The following TCERG1 variants were observed in gnomAD, a reference collection of about 807,000 sequenced individuals.
The protein encoded by TCERG1 is transcription elongation regulator 1.
Under a neutral mutation model 144.7 loss-of-function variants are expected in TCERG1, and 37 were observed. The observed-to-expected ratio is 0.26, with a 90% confidence interval of 0.20 to 0.34. The LOEUF (loss-of-function observed/expected upper bound fraction) is 0.34. Among genes scored for constraint, TCERG1 ranks in the 10% least tolerant of loss-of-function variants. The probability of loss-of-function intolerance (pLI) is 1.00; values close to 1 mark genes in which losing one functional copy is unlikely to be tolerated. For synonymous variants in TCERG1, 492 were observed against 458.2 expected, an observed-to-expected ratio of 1.07 and a Z score of -0.94; for missense variants, 1,027 against 1,380.7, an observed-to-expected ratio of 0.74 and a Z score of 4.06.
At chr5:146,451,201 A>G (rs28438403) in intron 1 of TCERG1, among the ~76,000 whole-genome samples, 37,374 of 151,916 alleles carry the variant, frequency 0.25, 5,696 homozygotes, top group East Asian at 0.83. Flanking sequence ...TTCCTTGGTG[A>G]TTATCTTTTT....
intron 16 of TCERG1, 94 bp from the exon 17 acceptor site, chr5:146,498,442 C>A: frequency 7.4e-7 from 1 of 1,357,860 alleles, no homozygotes. Flanking sequence ...GTCTCTTTGT[C>A]ATATACTCTT....
At chr5:146,493,735 C>T (rs902445446) in intron 16 of TCERG1, among the ~76,000 whole-genome samples, 2 of 151,976 alleles carry the variant, frequency 1.3e-5, no homozygotes, top group Non-Finnish European at 2.9e-5. Context: ...AGGTAGCTTG[C>T]CCCAGTGAAG....
intron 16 of TCERG1, among the ~76,000 whole-genome samples, chr5:146,494,677 A>AT (rs886872515): frequency 1.7e-4 from 26 of 150,754 alleles, no homozygotes; most frequent in East Asian, 9.7e-4. Context: ...TGTTGGCCTA[A>AT]TTTTTTTTTT....
rs1428963064 is a variant in TCERG1, at chr5:146,468,524, TA to T, written c.1198+123del. On this transcript the variant is annotated intron_variant, in intron 6 of 22. Transcript: ENST00000679501. ...GTGGATATTTTTATATTTTTCTTTT[TA>T]ATGAGCAGTATAAATGCAGTTGTCA... 5.9e-6 allele frequency: 5 copies of T among 846,900 alleles called. No individual in the cohort carries two copies. In the East Asian group the frequency reaches 1.4e-4, roughly 24 times the overall value. 52.5% of individuals were successfully genotyped at this position (846,900 alleles called of 1,614,324 possible).
intron 1 of TCERG1, among the ~76,000 whole-genome samples, chr5:146,449,223 G>T (rs1177357557): frequency 1.3e-5 from 2 of 152,166 alleles, no homozygotes; most frequent in African/African-American, 4.8e-5. Context: ...GAGATGTTCT[G>T]TAGTTATGTT....
chr5:146,449,994 C>G (rs953592273), intron 1 of TCERG1, among the ~76,000 whole-genome samples: 6 of 152,072 alleles, frequency 3.9e-5, no homozygotes, highest in African/African-American at 1.4e-4. Flanking sequence ...GTCAAACTTA[C>G]CTTATTGGGC....
chr5:146,510,012 C>T (rs777642361), intron 22 of TCERG1: 31 of 1,268,962 alleles, frequency 2.4e-5, no homozygotes, highest in Non-Finnish European at 3.0e-5. Context: ...TGTTTTGCAT[C>T]AGCTTGGGCT....
rs151176678 is a variant in TCERG1 at position 146,459,048 on chromosome 5, A to T, written c.603A>T (p.Ala201=). 3.7e-4 allele frequency: 589 copies of T among 1,596,092 alleles called. 2 individuals are homozygous for T. In the African/African-American group the frequency reaches 6.7e-3, roughly 18 times the overall value. The change falls in exon 4 of 23, where the codon GCA becomes GCT. Residue 201 remains alanine, a synonymous_variant. Coordinates refer to ENST00000679501, the MANE Select transcript of TCERG1 (RefSeq NM_001382548.1). ...AQAQAQAQAQ[A]QAQAQAQAQA... ...CCCAGGCGCAGGCTCAGGCCCAGGC[A>T]CAAGCTCAGGCCCAGGCTCAGGCTC... is the stretch of plus-strand genomic sequence containing the variant.
In TCERG1 at chr5:146,459,129, G is replaced by C. The variant is rs371770535; in HGVS notation, c.684G>C (p.Gln228His). ...AGGCCCAAGCCCAAGCCCAGGCCCA[G>C]GCTCAGGCTCAGGCACAAGCTCAGG... ...QAQAQAQAQA[Q>H]AQAQAQAQAQ... The change falls in exon 4 of 23, where the codon CAG becomes CAC. Residue 228 changes from glutamine (Q) to histidine (H), a missense_variant. Around this residue, in one of 6 missense-constraint regions of TCERG1, gnomAD observed 187 missense variants for 169.1 expected, o/e 1.11. Coordinates refer to ENST00000679501, the MANE Select transcript of TCERG1 (RefSeq NM_001382548.1). 1.9e-6 allele frequency: 3 copies of C among 1,602,278 alleles called. No individual in the cohort carries two copies. The highest frequency in any genetic ancestry group is 2.6e-6 in the Non-Finnish European group (3 of 1,171,108).
intron 17 of TCERG1, chr5:146,499,864 A>G (rs754056202): frequency 9.2e-5 from 14 of 152,190 alleles, no homozygotes; most frequent in Admixed American, 3.9e-4. Context: ...CGGCCTGTCA[A>G]TCAGTTCAGT....
intron 9 of TCERG1, among the ~76,000 whole-genome samples, chr5:146,476,026 A>G (rs944330514): frequency 1.2e-4 from 18 of 152,040 alleles, no homozygotes; most frequent in African/African-American, 4.1e-4. Context: ...TTTTGTTAAA[A>G]TCCTCTGTAG....
chr5:146,478,201 A>G (rs1003431718), intron 9 of TCERG1, among the ~76,000 whole-genome samples: 5 of 152,224 alleles, frequency 3.3e-5, no homozygotes, highest in Non-Finnish European at 7.3e-5. Context: ...TTTAAAATTT[A>G]GTACTCTCAA....
At chr5:146,457,611 A>G (rs1762935682) in intron 3 of TCERG1, among the ~76,000 whole-genome samples, 1 of 152,228 alleles carries the variant, frequency 6.6e-6, no homozygotes, top group East Asian at 1.9e-4. Context: ...AGGCTCCTAG[A>G]AGGAAAGCAG....
chr5:146,506,980 A>G, intron 19 of TCERG1, 48 bp from the exon 20 acceptor site: 1 of 1,460,372 alleles, frequency 6.8e-7, no homozygotes, highest in Non-Finnish European at 9.1e-7. Flanking sequence ...GCAAATGGAC[A>G]TTCAGATAAG....
intron 5 of TCERG1, among the ~76,000 whole-genome samples, chr5:146,465,302 T>C (rs1304785438): frequency 1.3e-5 from 2 of 152,168 alleles, no homozygotes; most frequent in Non-Finnish European, 2.9e-5. Context: ...AGAGGGAAGA[T>C]TGAGAGGTAG....
chr5:146,472,243 T>C (rs1007776782), intron 9 of TCERG1, among the ~76,000 whole-genome samples: 20 of 152,356 alleles, frequency 1.3e-4, no homozygotes, highest in Middle Eastern at 6.8e-3. Flanking sequence ...ATGGCATACC[T>C]CATTTTATAG....
chr5:146,448,682 A>G (rs569065493), intron 1 of TCERG1, among the ~76,000 whole-genome samples: 7 of 152,348 alleles, frequency 4.6e-5, no homozygotes, highest in Admixed American at 2.0e-4. Flanking sequence ...GGTCGCACAC[A>G]CAAATCTCCA....
intron 5 of TCERG1, among the ~76,000 whole-genome samples, chr5:146,468,006 T>C (rs903040083): frequency 6.6e-6 from 1 of 152,202 alleles, no homozygotes; most frequent in African/African-American, 2.4e-5. Flanking sequence ...AGCATGGGTT[T>C]GATGTCCTGT....
chr5:146,459,093 G>A lies in TCERG1; in HGVS notation c.648G>A (p.Gln216=), dbSNP rs569890952. Residue 216 remains glutamine, a synonymous_variant, in exon 4 of 23, where the codon CAG becomes CAA. Coordinates refer to ENST00000679501, the MANE Select transcript of TCERG1 (RefSeq NM_001382548.1). ...QAQAQAQAQA[Q]AQAQAQAQAQ... ...AGGCTCAGGCCCAGGCCCAGGCCCA[G>A]GCCCAGGCCCAGGCCCAAGCCCAAG... The A allele has an allele frequency of 9.0e-5, 140 of 1,559,804 alleles. No individual in the cohort carries two copies. Among genetic ancestry groups the A allele is most frequent in the African/African-American group, 5.5e-5 (4 of 73,192 alleles).
Sources: allele counts gnomAD v4.1 joint callset (sites outside exome capture counted in the v4.1 genomes callset), GRCh38; gene constraint gnomAD v4.1.1; regional missense constraint gnomAD v4.1.1; transcripts MANE v1.5; gene names NCBI Gene and HGNC (gene_info 2026-07-23, HGNC 2026-07-21).